The following PTPRD variants were observed in gnomAD, a reference collection of about 807,000 sequenced individuals.
The protein encoded by PTPRD is receptor-type tyrosine-protein phosphatase delta.
Under a neutral mutation model 214.5 loss-of-function variants are expected in PTPRD, and 34 were observed. The observed-to-expected ratio is 0.16, with a 90% CI of 0.12 to 0.21. The LOEUF (loss-of-function observed/expected upper bound fraction) is 0.21. PTPRD is among the 10% of genes least tolerant of loss of function. PTPRD has a pLI of 1.00. For missense variants in PTPRD, 2,545 were observed against 2,398.7 expected (o/e 1.06, Z -1.27); for synonymous variants, 1,128 against 845.7 (o/e 1.33, Z -5.79).
intron 10 of PTPRD, among the ~76,000 whole-genome samples, chr9:9,054,944 C>T (rs558911651): frequency 1.3e-4 from 20 of 152,190 alleles, no homozygotes; most frequent in South Asian, 4.1e-4. Flanking sequence ...GATATATGAT[C>T]GGGATGTCTA....
chr9:9,464,493 G>T (rs931886668), intron 8 of PTPRD, among the ~76,000 whole-genome samples: 6 of 151,972 alleles, frequency 3.9e-5, no homozygotes, highest in African/African-American at 1.2e-4. Context: ...ACTATATATT[G>T]CTCTGTGTTT....
chr9:9,954,335 C>G (rs1271148766), intron 4 of PTPRD, among the ~76,000 whole-genome samples: 1 of 143,754 alleles, frequency 7.0e-6, no homozygotes, highest in African/African-American at 2.6e-5. Flanking sequence ...GATCATTGTC[C>G]TATAAACAGT....
At chr9:8,349,958 G>T (rs1309439101) in intron 39 of PTPRD, among the ~76,000 whole-genome samples, 1 of 147,068 alleles carries the variant, frequency 6.8e-6, no homozygotes, top group African/African-American at 2.5e-5. Context: ...TTAAATTTCA[G>T]TAAGTGATAG....
chr9:10,288,888 G>C (rs1025190411), intron 3 of PTPRD, among the ~76,000 whole-genome samples: 2 of 152,030 alleles, frequency 1.3e-5, no homozygotes, highest in Non-Finnish European at 2.9e-5. Flanking sequence ...AATTAGAGAG[G>C]AGTCTAACCT....
chr9:9,184,454 G>C (rs1023298746), intron 9 of PTPRD, among the ~76,000 whole-genome samples: 3 of 151,914 alleles, frequency 2.0e-5, no homozygotes, highest in Admixed American at 6.6e-5. Context: ...AAGACAAAAA[G>C]AACATGATTC....
At chr9:10,504,867 A>AG (rs1026452222) in intron 2 of PTPRD, among the ~76,000 whole-genome samples, 16 of 152,172 alleles carry the variant, frequency 1.1e-4, no homozygotes, top group African/African-American at 3.9e-4. Context: ...CTATTATATT[A>AG]GGAGATGGAT....
chr9:8,678,209 A>G (rs1477060475), intron 12 of PTPRD, among the ~76,000 whole-genome samples: 4 of 152,102 alleles, frequency 2.6e-5, no homozygotes, highest in Non-Finnish European at 5.9e-5. Flanking sequence ...GTCAAATCCA[A>G]TTCAGACATC....
intron 34 of PTPRD, among the ~76,000 whole-genome samples, chr9:8,444,704 T>C (rs1490843590): frequency 6.6e-6 from 1 of 152,186 alleles, no homozygotes; most frequent in East Asian, 1.9e-4. Flanking sequence ...CAATGATTGT[T>C]AACAAGCTTA....
At chr9:9,885,006 C>T (rs571097885) in intron 5 of PTPRD, among the ~76,000 whole-genome samples, 87 of 151,974 alleles carry the variant, frequency 5.7e-4, no homozygotes, top group African/African-American at 2.0e-3. Context: ...GCAAAGAAAA[C>T]GTTATTGGCA....
At chr9:9,079,354 A>ATC (rs2099755787) in intron 10 of PTPRD, among the ~76,000 whole-genome samples, 1 of 152,040 alleles carries the variant, frequency 6.6e-6, no homozygotes, top group East Asian at 1.9e-4. Flanking sequence ...CTTCAGTTCC[A>ATC]TCTATGTTGC....
At chr9:9,775,102 A>G (rs1333867189) in intron 5 of PTPRD, among the ~76,000 whole-genome samples, 4 of 152,216 alleles carry the variant, frequency 2.6e-5, no homozygotes, top group African/African-American at 9.6e-5. Flanking sequence ...CGAATGCTCC[A>G]TTATCATCAG....
intron 4 of PTPRD, among the ~76,000 whole-genome samples, chr9:9,944,075 A>G (rs1485109879): frequency 6.6e-6 from 1 of 152,176 alleles, no homozygotes; most frequent in Non-Finnish European, 1.5e-5. Context: ...ACTGGTAAAT[A>G]CAGAGGAGAA....
intron 7 of PTPRD, among the ~76,000 whole-genome samples, chr9:9,703,445 G>A (rs934138783): frequency 2.6e-5 from 4 of 152,044 alleles, no homozygotes; most frequent in Admixed American, 6.6e-5. Context: ...GGGTTTACAT[G>A]GCAGAAACAT....
At chr9:8,411,317 AT>A (rs985193728) in intron 35 of PTPRD, among the ~76,000 whole-genome samples, 1 of 151,288 alleles carries the variant, frequency 6.6e-6, no homozygotes, top group Non-Finnish European at 1.5e-5. Context: ...TTTTATTTTT[AT>A]TTTTTTTGTG....
At chr9:9,874,786 A>G (rs1157731449) in intron 5 of PTPRD, among the ~76,000 whole-genome samples, 1 of 152,176 alleles carries the variant, frequency 6.6e-6, no homozygotes, top group Admixed American at 6.5e-5. Flanking sequence ...ATTCCTGTAC[A>G]TTTGGAAACG....
chr9:8,592,171 T>G (rs910621714), intron 14 of PTPRD, among the ~76,000 whole-genome samples: 1 of 152,202 alleles, frequency 6.6e-6, no homozygotes, highest in African/African-American at 2.4e-5. Flanking sequence ...CAGATTTGTC[T>G]TGATACTAAA....
intron 2 of PTPRD, among the ~76,000 whole-genome samples, chr9:10,577,092 G>A (rs1322279): frequency 0.82 from 124,962 of 152,098 alleles, 51,622 homozygotes; most frequent in East Asian, 0.93. Context: ...TATTTTTAAA[G>A]CTGTAATTTT....
At chr9:9,499,171 C>T (rs919075314) in intron 8 of PTPRD, among the ~76,000 whole-genome samples, 2 of 152,106 alleles carry the variant, frequency 1.3e-5, no homozygotes, top group Admixed American at 6.6e-5. Flanking sequence ...TCACGACATT[C>T]AGATAGTAGA....
intron 11 of PTPRD, among the ~76,000 whole-genome samples, chr9:8,947,323 C>G (rs1049596613): frequency 9.2e-5 from 14 of 151,496 alleles, no homozygotes; most frequent in East Asian, 1.9e-4. Flanking sequence ...GTTAGCTGGG[C>G]ATAGTGGTGT....
Sources: gnomAD v4.1 joint callset for allele counts (sites outside exome capture counted in the v4.1 genomes callset) on GRCh38, gnomAD v4.1.1 for gene constraint, MANE v1.5 for transcripts, NCBI Gene and HGNC (gene_info 2026-07-23, HGNC 2026-07-21) for gene names.